Variants in COMMD1 observed in about 807,000 individuals in gnomAD.
The protein encoded by COMMD1 is copper metabolism domain containing 1, also known as COMM domain-containing protein 1.
Under a neutral mutation model 17.2 loss-of-function variants are expected in COMMD1, and 10 were observed. The observed-to-expected ratio is 0.58, with a 90% CI of 0.36 to 0.99. The LOEUF is 0.99. Ranked by LOEUF, COMMD1 falls within the 50% of genes least tolerant of loss-of-function variation. The pLI is 0.01. For missense variants in COMMD1, 270 were observed against 231.8 expected, an observed-to-expected ratio of 1.17 and a Z score of -1.07; for synonymous variants, 97 against 91.6, an observed-to-expected ratio of 1.06 and a Z score of -0.34.
At chr2:62,046,524 T>C (rs1025276270) in intron 2 of COMMD1, among the ~76,000 whole-genome samples, 1 of 152,220 alleles carries the variant, frequency 6.6e-6, no homozygotes, top group African/African-American at 2.4e-5. Flanking sequence ...ATGGTGTTCA[T>C]TATATACTAC....
At position 61,917,127 on chromosome 2, in the gene COMMD1, G is replaced by T. The variant is rs78360452; in HGVS notation, c.180+11269G>T. Among the ~76,000 whole-genome samples, 41 of 152,118 alleles carry T rather than the reference G, an allele frequency of 2.7e-4. No homozygotes were observed. In the East Asian group the frequency reaches 7.9e-3, roughly 29 times the overall value. On this transcript the variant is annotated intron_variant, in intron 1 of 2. Transcript: ENST00000311832. ...CCAGCACTTTTGGAGGCCGAGGTGG[G>T]TGGATCACTTGAGGTCAGGAGTTTG... is the stretch of plus-strand genomic sequence containing the variant.
At chr2:61,968,569 G>GGGGA (rs1445840253) in intron 1 of COMMD1, among the ~76,000 whole-genome samples, 1 of 151,958 alleles carries the variant, frequency 6.6e-6, no homozygotes, top group African/African-American at 2.4e-5. Context: ...TCTTGATGGA[G>GGGGA]GGGAGGGAGG....
chr2:61,892,401 A>G (rs1240235131), intron 1 of COMMD1, among the ~76,000 whole-genome samples: 1 of 152,096 alleles, frequency 6.6e-6, no homozygotes, highest in African/African-American at 2.4e-5. Context: ...GTTAGAAAAG[A>G]AGAGAGGAGG....
chr2:62,041,733 T>C (rs1319286795), intron 2 of COMMD1, among the ~76,000 whole-genome samples: 1 of 152,144 alleles, frequency 6.6e-6, no homozygotes, highest in Non-Finnish European at 1.5e-5. Flanking sequence ...GGGTGAGTGT[T>C]ACAGTTCTTA....
chr2:61,960,387 C>A (rs1198778214), intron 1 of COMMD1, among the ~76,000 whole-genome samples: 1 of 152,024 alleles, frequency 6.6e-6, no homozygotes, highest in African/African-American at 2.4e-5. Context: ...TCTGCACTAA[C>A]CTTCGAGTAC....
intron 1 of COMMD1, 56 bp from the exon 2 acceptor site, chr2:62,000,645 C>G: frequency 6.6e-7 from 1 of 1,517,174 alleles, no homozygotes; most frequent in African/African-American, 1.4e-5. Context: ...AAGAAGCTAT[C>G]TTTTTCTAAT....
intron 2 of COMMD1, among the ~76,000 whole-genome samples, chr2:62,042,584 C>T (rs953476613): frequency 8.5e-5 from 13 of 152,144 alleles, no homozygotes; most frequent in African/African-American, 2.2e-4. Context: ...AGCGCAGCCC[C>T]GGCTCCCGCC....
chr2:61,958,269 C>CT (rs542798625), intron 1 of COMMD1, among the ~76,000 whole-genome samples: 12,529 of 141,160 alleles, frequency 0.089, 1,316 homozygotes, highest in African/African-American at 0.25. Context: ...TCTTTCTTTC[C>CT]TTTTTTTTTT....
intron 1 of COMMD1, among the ~76,000 whole-genome samples, chr2:61,999,503 G>A (rs1668861966): frequency 6.6e-6 from 1 of 152,142 alleles, no homozygotes; most frequent in Non-Finnish European, 1.5e-5. Flanking sequence ...TTATACAGTT[G>A]AAGTATATCA....
upstream of COMMD1, chr2:61,888,641 G>C (rs41281525): frequency 9.4e-7 from 1 of 1,068,922 alleles, no homozygotes; most frequent in South Asian, 1.7e-5. Context: ...GTCGGGAGGA[G>C]GCGGAGGCGG....
At chr2:62,111,516 C>T (rs974625404) in intron 2 of COMMD1, among the ~76,000 whole-genome samples, 3 of 152,176 alleles carry the variant, frequency 2.0e-5, no homozygotes, top group East Asian at 1.9e-4. Flanking sequence ...GTCTGTATAG[C>T]ATTCCTTCCT....
intron 2 of COMMD1, among the ~76,000 whole-genome samples, chr2:62,058,527 G>A (rs1670772158): frequency 6.6e-6 from 1 of 152,038 alleles, no homozygotes; most frequent in Non-Finnish European, 1.5e-5. Flanking sequence ...TGTAATTGCA[G>A]CACTGGGAGG....
chr2:61,936,261 G>A (rs1670605164), intron 1 of COMMD1, among the ~76,000 whole-genome samples: 1 of 152,160 alleles, frequency 6.6e-6, no homozygotes, highest in African/African-American at 2.4e-5. Context: ...GCAATGTCAT[G>A]AGAAATCTAT....
chr2:62,080,430 G>T (rs187285524), intron 2 of COMMD1, among the ~76,000 whole-genome samples: 22 of 152,306 alleles, frequency 1.4e-4, no homozygotes, highest in African/African-American at 5.3e-4. Context: ...TGTATACTTG[G>T]TGTTTGTTCG....
intron 2 of COMMD1, among the ~76,000 whole-genome samples, chr2:62,079,386 T>C (rs1671452681): frequency 6.6e-6 from 1 of 152,222 alleles, no homozygotes; most frequent in African/African-American, 2.4e-5. Context: ...ATCAATATTA[T>C]TATCTTTAAA....
At chr2:61,961,541 A>C (rs1248994880) in intron 1 of COMMD1, among the ~76,000 whole-genome samples, 1 of 152,148 alleles carries the variant, frequency 6.6e-6, no homozygotes, top group Non-Finnish European at 1.5e-5. Context: ...TTATGGTAAA[A>C]AATTGTGACT....
At chr2:62,075,576 A>G (rs1408687071) in intron 2 of COMMD1, among the ~76,000 whole-genome samples, 13 of 152,228 alleles carry the variant, frequency 8.5e-5, no homozygotes, top group Non-Finnish European at 2.9e-5. Context: ...CCTCTTTTGT[A>G]GTTGAACAGA....
chr2:61,955,141 T>C (rs1053195780), intron 1 of COMMD1, among the ~76,000 whole-genome samples: 4 of 152,158 alleles, frequency 2.6e-5, no homozygotes, highest in Admixed American at 2.6e-4. Context: ...AATGACTGAG[T>C]TCTGTTTATG....
intron 1 of COMMD1, among the ~76,000 whole-genome samples, chr2:61,952,395 C>T (rs915437112): frequency 2.6e-5 from 4 of 152,102 alleles, no homozygotes; most frequent in African/African-American, 9.7e-5. Context: ...TTCCCAAGTG[C>T]TCCTGTAGAT....
Sources: allele counts gnomAD v4.1 joint callset (sites outside exome capture counted in the v4.1 genomes callset), GRCh38; gene constraint gnomAD v4.1.1; transcripts MANE v1.5; gene names NCBI Gene and HGNC (gene_info 2026-07-23, HGNC 2026-07-21).